Variants in SHOC1 observed in about 807,000 individuals in gnomAD.
SHOC1 encodes protein shortage in chiasmata 1 ortholog.
A neutral mutation model predicts 179.2 loss-of-function variants in SHOC1; 136 were observed. The observed-to-expected ratio is 0.76, with a 90% CI of 0.66 to 0.87. The LOEUF is 0.87. Ranked by LOEUF, SHOC1 falls within the 40% of genes least tolerant of loss-of-function variation. The pLI, the probability that SHOC1 is intolerant of heterozygous loss-of-function variation, is 0.00. For missense variants in SHOC1, 1,538 were observed against 1,700.8 expected, an observed-to-expected ratio of 0.90 and a Z score of 1.68; for synonymous variants, 489 against 586.6, an observed-to-expected ratio of 0.83 and a Z score of 2.41.
intron 19 of SHOC1, among the ~76,000 whole-genome samples, chr9:111,707,406 T>A (rs1488869132): frequency 1.3e-5 from 2 of 152,022 alleles, no homozygotes; most frequent in Non-Finnish European, 2.9e-5. Flanking sequence ...AAAAAAATAA[T>A]TTCTATGTAA....
intron 16 of SHOC1, among the ~76,000 whole-genome samples, chr9:111,715,768 A>G (rs527543608): frequency 6.6e-6 from 1 of 152,248 alleles, no homozygotes; most frequent in African/African-American, 2.4e-5. Flanking sequence ...ATTTTTTTAA[A>G]AACATACCCA....
At chr9:111,709,687 C>CGATACA (rs547461170) in intron 18 of SHOC1, among the ~76,000 whole-genome samples, 90 of 152,174 alleles carry the variant, frequency 5.9e-4, no homozygotes, top group African/African-American at 2.1e-3. Context: ...CCCAGATATG[C>CGATACA]GATACAGAGT....
chr9:111,730,131 T>C (rs1392324900), intron 12 of SHOC1, among the ~76,000 whole-genome samples: 1 of 152,182 alleles, frequency 6.6e-6, no homozygotes, highest in East Asian at 1.9e-4. Context: ...CCACTTCTAA[T>C]TCTAGTTTTC....
chr9:111,753,696 C>T (rs747629431), intron 8 of SHOC1, among the ~76,000 whole-genome samples: 8 of 151,862 alleles, frequency 5.3e-5, no homozygotes, highest in Non-Finnish European at 1.2e-4. Context: ...ATTAATAGAA[C>T]GAGGGACAAG....
chr9:111,734,161 AGTTTT>A (rs1833717423), intron 12 of SHOC1, among the ~76,000 whole-genome samples: 1 of 152,108 alleles, frequency 6.6e-6, no homozygotes, highest in Admixed American at 6.6e-5. Flanking sequence ...TACAAATTGA[AGTTTT>A]GTGGCAATCT....
intron 4 of SHOC1, among the ~76,000 whole-genome samples, chr9:111,779,302 T>C (rs1589472691): frequency 6.6e-6 from 1 of 152,178 alleles, no homozygotes; most frequent in African/African-American, 2.4e-5. Context: ...TTAGTCCGTT[T>C]TGGAGCCTGA....
intron 11 of SHOC1, among the ~76,000 whole-genome samples, chr9:111,741,113 A>G (rs1834018743): frequency 6.6e-6 from 1 of 152,208 alleles, no homozygotes; most frequent in Non-Finnish European, 1.5e-5. Flanking sequence ...TTGGGCAACT[A>G]AAACTTTTAA....
chr9:111,786,439 AAAC>A (rs916814056), intron 2 of SHOC1, among the ~76,000 whole-genome samples: 12 of 152,172 alleles, frequency 7.9e-5, no homozygotes, highest in East Asian at 3.9e-4. Flanking sequence ...CGTGTCAAAA[AAAC>A]AACAACAAAA....
At chr9:111,743,929 CT>C (rs1459008105) in intron 10 of SHOC1, among the ~76,000 whole-genome samples, 2 of 152,106 alleles carry the variant, frequency 1.3e-5, no homozygotes, top group Non-Finnish European at 2.9e-5. Context: ...GAGGGGAAAA[CT>C]TCTTTCAGTT....
At chr9:111,747,815 T>C (rs1834363489) in intron 9 of SHOC1, among the ~76,000 whole-genome samples, 1 of 152,092 alleles carries the variant, frequency 6.6e-6, no homozygotes, top group Admixed American at 6.5e-5. Flanking sequence ...GAACTCTTGA[T>C]CTTAAGTGAT....
intron 5 of SHOC1, among the ~76,000 whole-genome samples, chr9:111,765,009 C>T (rs986058669): frequency 1.5e-4 from 23 of 151,990 alleles, no homozygotes; most frequent in African/African-American, 5.1e-4. Context: ...GACATGGTGG[C>T]GCATGCCTAT....
Position 111,722,457 on chromosome 9 carries a change from A to C in SHOC1, c.2083T>G (p.Phe695Val), listed in dbSNP as rs2131413808. 6.2e-7 allele frequency: 1 copy of C among 1,611,578 alleles called. No individual in the cohort carries two copies. The highest frequency in any genetic ancestry group is 8.5e-7 in the Non-Finnish European group (1 of 1,179,508). The change falls in exon 15 of 28, where the codon TTT becomes GTT. Residue 695 changes from phenylalanine to valine, a missense_variant. Coordinates refer to ENST00000682961, the MANE Select transcript of SHOC1 (RefSeq NM_001378211.1). ...ACTTTTTCTTGTTCCTTTAAGAGAAACCTTGTTTGGTCAAAAATAACAGTG... is the reference window on the plus strand; with the variant it reads ...ACTTTTTCTTGTTCCTTTAAGAGAACCCTTGTTTGGTCAAAAATAACAGTG... ...FATVIFDQTRFLLKEQEKVVS... is the reference protein window; with the variant it reads ...FATVIFDQTRVLLKEQEKVVS...
chr9:111,720,246 G>A (rs1832976084), intron 15 of SHOC1, among the ~76,000 whole-genome samples: 1 of 152,188 alleles, frequency 6.6e-6, no homozygotes, highest in Non-Finnish European at 1.5e-5. Flanking sequence ...AGAAAACTAG[G>A]TTGATGTGTT....
chr9:111,728,359 C>A (rs978057120), intron 12 of SHOC1, among the ~76,000 whole-genome samples: 9 of 152,092 alleles, frequency 5.9e-5, no homozygotes, highest in Admixed American at 1.3e-4. Context: ...ATGGGTCAAA[C>A]ACTTACCTAC....
intron 21 of SHOC1, among the ~76,000 whole-genome samples, chr9:111,704,441 G>A (rs1346941264): frequency 1.3e-5 from 2 of 152,050 alleles, no homozygotes; most frequent in Non-Finnish European, 2.9e-5. Flanking sequence ...GGAGTGCAGT[G>A]GTGCTATCAT....
At chr9:111,781,120 A>G (rs2786632) in intron 3 of SHOC1, 103 bp from the exon 4 acceptor site, 630,592 of 782,464 alleles carry the variant, frequency 0.81, 255,025 homozygotes, top group East Asian at 0.93. Context: ...ATCTTTATTT[A>G]TTCACAAATG....
chr9:111,746,391 TA>T, intron 9 of SHOC1, 49 bp from the exon 10 acceptor site: 1 of 1,256,358 alleles, frequency 8.0e-7, no homozygotes. Flanking sequence ...TAATATTAAG[TA>T]GGCTAGGCGT....
intron 17 of SHOC1, 149 bp downstream of exon 17, chr9:111,714,296 C>A: frequency 1.5e-6 from 1 of 680,852 alleles, no homozygotes; most frequent in Non-Finnish European, 2.4e-6. Context: ...GGGTCTGATT[C>A]TGTTCTGTTA....
intron 9 of SHOC1, 101 bp downstream of exon 9, chr9:111,747,991 T>C: frequency 2.9e-6 from 2 of 699,398 alleles, no homozygotes; most frequent in Non-Finnish European, 4.9e-6. Context: ...ATTTTAAACA[T>C]GGAAACTGAC....
Sources: gnomAD v4.1 joint callset for allele counts (sites outside exome capture counted in the v4.1 genomes callset) on GRCh38, gnomAD v4.1.1 for gene constraint, MANE v1.5 for transcripts, NCBI Gene and HGNC (gene_info 2026-07-23, HGNC 2026-07-21) for gene names.